The following YBX3 variants were observed in gnomAD, a reference collection of about 807,000 sequenced individuals.
The protein encoded by YBX3 is Y-box binding protein 3, also known as Y-box-binding protein 3.
YBX3 carries 29 observed loss-of-function variants against 42.4 expected under a neutral mutation model. The ratio of observed to expected loss-of-function variants is 0.68; its 90% CI spans 0.51 to 0.93. The LOEUF is 0.93. Ranked by LOEUF, YBX3 falls within the 40% of genes least tolerant of loss-of-function variation. The probability of loss-of-function intolerance (pLI) is 0.00; values close to 1 mark genes in which losing one functional copy is unlikely to be tolerated. For missense variants in YBX3, 517 were observed against 527.5 expected, an observed-to-expected ratio of 0.98 and a Z score of 0.19; for synonymous variants, 195 against 189.8, an observed-to-expected ratio of 1.03 and a Z score of -0.22.
chr12:10,713,304 C>T lies in YBX3; in HGVS notation c.480G>A (p.Pro160=), dbSNP rs201043365. ...KGAEAANVTG[P]DGVPVEGSRY... Reference sequence around the variant, plus strand: ...GACTCCCTTCCACAGGAACTCCATCCGGGCCAGTCACATTGGCAGCTTCTG... The same window carrying T: ...GACTCCCTTCCACAGGAACTCCATCTGGGCCAGTCACATTGGCAGCTTCTG... The change falls in exon 5 of 10, where the codon CCG becomes CCA. Residue 160 remains proline (P), a synonymous_variant. Coordinates refer to ENST00000228251, the MANE Select transcript of YBX3 (RefSeq NM_003651.5). 1.2e-5 allele frequency: 20 copies of T among 1,613,974 alleles called. No homozygotes were observed. Among genetic ancestry groups the T allele is most frequent in the African/African-American group, 9.3e-5 (7 of 75,024 alleles).
In YBX3 at chr12:10,702,096, C is replaced by G; in HGVS notation, c.917G>C (p.Gly306Ala). 6.2e-7 allele frequency: 1 copy of G among 1,614,082 alleles called. No individual in the cohort carries two copies. Among genetic ancestry groups the G allele is most frequent in the Non-Finnish European group, 8.5e-7 (1 of 1,179,982 alleles). ...CTGATTTTCTTTATCTTCAGCCTCT[C>G]CAACTGCTGGGGCAGGTCGTGGGCG... ...PPRPRPAPAV[G>A]EAEDKENQQA... The change falls in exon 8 of 10, where the codon GGA becomes GCA. Residue 306 changes from glycine (G) to alanine (A), a missense_variant. Physicochemically the swap from Gly to Ala is moderately conservative, Grantham distance 60 (BLOSUM62 0). Coordinates refer to ENST00000228251, the MANE Select transcript of YBX3 (RefSeq NM_003651.5).
intron 3 of YBX3, among the ~76,000 whole-genome samples, chr12:10,716,354 G>A (rs1408227958): frequency 2.0e-5 from 3 of 152,212 alleles, no homozygotes; most frequent in Non-Finnish European, 4.4e-5. Context: ...CCCCAGGGAT[G>A]ATGGGGGAAG....
chr12:10,715,115 C>T (rs1023911602), intron 4 of YBX3, among the ~76,000 whole-genome samples: 3 of 152,100 alleles, frequency 2.0e-5, no homozygotes, highest in Non-Finnish European at 4.4e-5. Flanking sequence ...TTTCGAAATA[C>T]ATACCTTTGG....
At chr12:10,714,528 C>T (rs1047703636) in intron 4 of YBX3, among the ~76,000 whole-genome samples, 2 of 152,214 alleles carry the variant, frequency 1.3e-5, no homozygotes, top group Non-Finnish European at 2.9e-5. Flanking sequence ...CCCTTAACTT[C>T]TTGGATTCAG....
rs768818381 is a variant in YBX3, at chr12:10,715,814, G to A, written c.361-31C>T. The A allele has an allele frequency of 3.7e-5, 58 of 1,578,614 alleles. 1 individual carries two copies. In the East Asian group the frequency reaches 8.7e-4, roughly 24 times the overall value. ...AAGAGAACAGAAAATTTTATTCGAT[G>A]TATATTTCAATATTGGCCACAGATT... On this transcript the variant is annotated intron_variant, in intron 3 of 9. Transcript: ENST00000228251.
intron 5 of YBX3, chr12:10,710,315 C>A: frequency 6.9e-7 from 1 of 1,444,084 alleles, no homozygotes; most frequent in Non-Finnish European, 9.0e-7. Context: ...TAGATCTGTG[C>A]AGATAAAATA....
At position 10,723,007 on chromosome 12, in the gene YBX3, C is replaced by T. The variant is rs1359991473; in HGVS notation, c.105G>A (p.Pro35=). Residue 35 remains proline, a synonymous_variant, in exon 1 of 10, where the codon CCG becomes CCA. Transcript: ENST00000228251. ...AAPQDPAPKS[P]VGSGAPQAAA... ...CGGCCTGGGGCGCACCGCTGCCCAC[C>T]GGGCTCTTGGGCGCGGGGTCCTGGG... 1.7e-6 allele frequency: 2 copies of T among 1,208,698 alleles called. No individual in the cohort carries two copies. The highest frequency in any genetic ancestry group is 2.1e-6 in the Non-Finnish European group (2 of 975,446). The allele number at this position is 1,208,698 out of a possible 1,614,324, so 74.9% of individuals were successfully genotyped here. A position where few individuals can be genotyped will look rare whatever the true frequency, so the allele number is the denominator to read the frequency against.
At chr12:10,720,637 T>C (rs1051386414) in intron 1 of YBX3, among the ~76,000 whole-genome samples, 1 of 152,226 alleles carries the variant, frequency 6.6e-6, no homozygotes, top group African/African-American at 2.4e-5. Flanking sequence ...ATGCGTTTAG[T>C]GCCTCTTTTC....
At chr12:10,722,648 C>A (rs1948341494) in intron 1 of YBX3, among the ~76,000 whole-genome samples, 1 of 152,252 alleles carries the variant, frequency 6.6e-6, no homozygotes, top group South Asian at 2.1e-4. Flanking sequence ...GGGCGCAGCG[C>A]GCTCACCTGG....
intron 2 of YBX3, among the ~76,000 whole-genome samples, chr12:10,718,592 T>C (rs1335973942): frequency 6.6e-6 from 1 of 152,026 alleles, no homozygotes; most frequent in East Asian, 1.9e-4. Context: ...AATGCCGATA[T>C]CATGTGAAAA....
At position 10,715,762 on chromosome 12, in the gene YBX3, G is replaced by A. The variant is rs1948254425; in HGVS notation, c.382C>T (p.Pro128Ser). 6.2e-7 allele frequency: 1 copy of A among 1,613,798 alleles called. No individual in the cohort carries two copies. Among genetic ancestry groups the A allele is most frequent in the Non-Finnish European group, 8.5e-7 (1 of 1,179,916 alleles). ...CCTACACTGCGCAGATATTTCCGTG[G>A]GTTATTCTTCTTGATGGCAGTCTGG... ...VHQTAIKKNN[P>S]RKYLRSVGDG... is the part of the protein sequence containing the mutation. Residue 128 changes from proline (P) to serine (S), a missense_variant, in exon 4 of 10, where the codon CCA becomes TCA. Physicochemically the swap from Pro to Ser is moderately conservative, Grantham distance 74. Around this residue, in one of 3 missense-constraint regions of YBX3, gnomAD observed 420 missense variants for 408.5 expected, o/e 1.03. Transcript: ENST00000228251.
In YBX3 at chr12:10,699,111, A is replaced by G. The variant is rs1482179115; in HGVS notation, c.*578T>C. The G allele has an allele frequency of 6.6e-6, 1 of 152,542 alleles. No homozygotes were observed. Among genetic ancestry groups the G allele is most frequent in the East Asian group, 1.9e-4 (1 of 5,200 alleles). 9.4% of individuals were successfully genotyped at this position (152,542 alleles called of 1,614,324 possible). A position where few individuals can be genotyped will look rare whatever the true frequency, so the allele number is the denominator to read the frequency against. ...CTGTCCTCTGAAGGGTAAAAATTTT[A>G]TTTTTGAGGAATTTCTTACTGCACA... is the stretch of plus-strand genomic sequence containing the variant. On this transcript the variant is annotated 3_prime_UTR_variant, in exon 10 of 10. Transcript: ENST00000228251.
chr12:10,711,041 G>A (rs1192059027), intron 5 of YBX3: 1 of 152,712 alleles, frequency 6.5e-6, no homozygotes, highest in African/African-American at 2.4e-5. Flanking sequence ...CCCTTTATAT[G>A]TTTAGGAGTA....
intron 1 of YBX3, among the ~76,000 whole-genome samples, chr12:10,720,027 A>G (rs1431159979): frequency 9.9e-5 from 15 of 152,232 alleles, no homozygotes; most frequent in Admixed American, 7.9e-4. Context: ...CAAATTCAGT[A>G]CTTCTAGGAA....
intron 6 of YBX3, among the ~76,000 whole-genome samples, chr12:10,705,802 A>G (rs1244615668): frequency 6.6e-6 from 1 of 152,006 alleles, no homozygotes; most frequent in African/African-American, 2.4e-5. Flanking sequence ...ATGAGTTGTA[A>G]TCTGTTACTA....
intron 6 of YBX3, among the ~76,000 whole-genome samples, chr12:10,707,564 A>G (rs1948152146): frequency 6.6e-6 from 1 of 152,166 alleles, no homozygotes; most frequent in South Asian, 2.1e-4. Context: ...TACTGAAAAG[A>G]TTATAGCAGC....
intron 6 of YBX3, among the ~76,000 whole-genome samples, chr12:10,709,146 G>A (rs1048097504): frequency 2.0e-5 from 3 of 152,074 alleles, no homozygotes; most frequent in African/African-American, 7.2e-5. Flanking sequence ...CATAATGTTC[G>A]GTCAAAACAT....
intron 6 of YBX3, among the ~76,000 whole-genome samples, chr12:10,708,841 A>G (rs1308756561): frequency 1.3e-5 from 2 of 152,274 alleles, no homozygotes; most frequent in East Asian, 1.9e-4. Flanking sequence ...AACGTGATAT[A>G]TGTTGTATAA....
chr12:10,719,883 C>T (rs961649755), intron 1 of YBX3, among the ~76,000 whole-genome samples: 8 of 152,222 alleles, frequency 5.3e-5, no homozygotes, highest in African/African-American at 1.9e-4. Flanking sequence ...AGGACCACTT[C>T]TCTACAATGC....
Sources: allele counts gnomAD v4.1 joint callset (sites outside exome capture counted in the v4.1 genomes callset), GRCh38; gene constraint gnomAD v4.1.1; regional missense constraint gnomAD v4.1.1; transcripts MANE v1.5; gene names NCBI Gene and HGNC (gene_info 2026-07-23, HGNC 2026-07-21).